Variants in TRAPPC9 observed in about 807,000 individuals in gnomAD.
TRAPPC9 encodes IKK2 binding protein.
A neutral mutation model predicts 124.0 loss-of-function variants in TRAPPC9; 83 were observed. That is an observed-to-expected ratio of 0.67 (90% CI 0.56 to 0.80). TRAPPC9 has a LOEUF of 0.80. Among genes scored for constraint, TRAPPC9 ranks in the 30% least tolerant of loss-of-function variants. The pLI, the probability that TRAPPC9 is intolerant of heterozygous loss-of-function variation, is 0.00. For missense variants in TRAPPC9, 1,302 were observed against 1,508.3 expected, an observed-to-expected ratio of 0.86 and a Z score of 2.27; for synonymous variants, 638 against 617.5, an observed-to-expected ratio of 1.03 and a Z score of -0.49.
intron 15 of TRAPPC9, among the ~76,000 whole-genome samples, chr8:140,264,781 C>A (rs1363120410): frequency 6.6e-6 from 1 of 152,124 alleles, no homozygotes; most frequent in Non-Finnish European, 1.5e-5. Context: ...CCAAGGAAGC[C>A]AAACCATCAG....
intron 20 of TRAPPC9, among the ~76,000 whole-genome samples, chr8:139,902,384 C>CGTTG (rs1345410342): frequency 6.6e-6 from 1 of 152,224 alleles, no homozygotes; most frequent in Non-Finnish European, 1.5e-5. Context: ...GTGACGGCCT[C>CGTTG]GCTGGCTGGC....
At chr8:139,851,017 G>C (rs1827408895) in intron 21 of TRAPPC9, among the ~76,000 whole-genome samples, 2 of 152,188 alleles carry the variant, frequency 1.3e-5, no homozygotes, top group Admixed American at 1.3e-4. Flanking sequence ...TTCACCTTAG[G>C]AACTTTCACA....
rs1465424677 is a variant in TRAPPC9 at position 140,457,681 on chromosome 8, G to GCGGGCAGCGGGGC, written c.-66_-54dup. 1 of 986,582 alleles carries GCGGGCAGCGGGGC rather than the reference G, an allele frequency of 1.0e-6. No homozygotes were observed. The highest frequency in any genetic ancestry group is 1.2e-6 in the Non-Finnish European group (1 of 830,780). 61.1% of individuals were successfully genotyped at this position (986,582 alleles called of 1,614,324 possible). On this transcript the variant is annotated 5_prime_UTR_variant, in exon 1 of 23. Transcript: ENST00000438773. The stretch of plus-strand genomic sequence containing the variant: ...GCCCGGAGCGGGAGCCCACGACCTG[G>GCGGGCAGCGGGGC]CGGGCAGCGGGGCCGAGCAGCCTCT...
chr8:140,348,375 C>T (rs988669857), intron 9 of TRAPPC9, among the ~76,000 whole-genome samples: 12 of 152,160 alleles, frequency 7.9e-5, no homozygotes, highest in African/African-American at 2.9e-4. Flanking sequence ...TTGCAAGTCA[C>T]CAAGAAAACG....
rs576967804 is a variant in TRAPPC9 at position 140,236,096 on chromosome 8, T to C, written c.2432-14513A>G. On this transcript the variant is annotated intron_variant, in intron 16 of 22. Transcript: ENST00000438773. ...TGTATTTCCTTTTTTTTTTTTTTTT[T>C]TTTTGAGACAGAGTCTCACTTTGTC... 4.2e-3 allele frequency among the ~76,000 whole-genome samples: 611 copies of C among 144,004 alleles called. 6 individuals are homozygous for C. Among genetic ancestry groups the C allele is most frequent in the African/African-American group, 0.015 (571 of 39,106 alleles). 94.5% of individuals were successfully genotyped at this position (144,004 alleles called of 152,430 possible). A position where few individuals can be genotyped will look rare whatever the true frequency, so the allele number is the denominator to read the frequency against.
chr8:139,919,922 C>T (rs750560027), intron 19 of TRAPPC9, among the ~76,000 whole-genome samples: 2 of 152,214 alleles, frequency 1.3e-5, no homozygotes, highest in African/African-American at 4.8e-5. Context: ...CGGACCCTTC[C>T]GCCTAGTGCT....
At chr8:139,843,518 G>A (rs1215498766) in intron 21 of TRAPPC9, among the ~76,000 whole-genome samples, 2 of 152,182 alleles carry the variant, frequency 1.3e-5, no homozygotes, top group African/African-American at 2.4e-5. Context: ...GTTCTTCCAC[G>A]GCCAAAGGGG....
chr8:140,434,944 C>T (rs569820773), intron 4 of TRAPPC9, among the ~76,000 whole-genome samples, 168 bp downstream of exon 4: 10 of 150,522 alleles, frequency 6.6e-5, no homozygotes, highest in Non-Finnish European at 8.9e-5. Context: ...CACTCCAGCC[C>T]GGGCAACAGT....
chr8:139,858,192 G>A (rs1827916458), intron 21 of TRAPPC9, among the ~76,000 whole-genome samples: 1 of 152,228 alleles, frequency 6.6e-6, no homozygotes, highest in South Asian at 2.1e-4. Context: ...TTTGCCATAA[G>A]GACTAACTCT....
At position 140,152,911 on chromosome 8, in the gene TRAPPC9, T is replaced by A. The variant is rs561336012; in HGVS notation, c.2556+68548A>T. ...ACACAATTATTACCTTTTTGCACAA[T>A]GTTGAATCTAAGTGGCAGGAGTGGA... On this transcript the variant is annotated intron_variant, in intron 17 of 22. Coordinates refer to ENST00000438773, the MANE Select transcript of TRAPPC9 (RefSeq NM_001160372.4). 5.9e-4 allele frequency among the ~76,000 whole-genome samples: 90 copies of A among 152,346 alleles called. No individual in the cohort carries two copies. The Middle Eastern group carries it at 0.01, about 17-fold the overall frequency.
In TRAPPC9 at chr8:140,299,774, G is replaced by A. The variant is rs115480081; in HGVS notation, c.1768+695C>T. ...TGGTGCATGCTGAGCCCTGGTGCAG[G>A]AGGGACGAGAGCTCAGACACAGGAA... On this transcript the variant is annotated intron_variant, in intron 11 of 22. Transcript: ENST00000438773. Among the ~76,000 whole-genome samples, 1,082 of 152,338 alleles carry A rather than the reference G, an allele frequency of 7.1e-3. 17 individuals carry two copies. The highest frequency in any genetic ancestry group is 0.024 in the African/African-American group (987 of 41,570).
chr8:140,080,380 C>T (rs1051851733), intron 17 of TRAPPC9, among the ~76,000 whole-genome samples: 5 of 152,134 alleles, frequency 3.3e-5, no homozygotes, highest in Non-Finnish European at 7.4e-5. Context: ...GTGGGTAATG[C>T]GTAAAGAAAA....
rs1236484171 is a variant in TRAPPC9, at chr8:139,759,944, G to T, written c.3056-27742C>A. ...CCCAGCTGTCCATGAAGCCGTCCCTGGGGGCTGGATGGACTCAACTCCCAG... is the reference window on the plus strand; with the variant it reads ...CCCAGCTGTCCATGAAGCCGTCCCTTGGGGCTGGATGGACTCAACTCCCAG... On this transcript the variant is annotated intron_variant, in intron 21 of 22. Transcript: ENST00000438773. 2.0e-5 allele frequency among the ~76,000 whole-genome samples: 3 copies of T among 152,348 alleles called. No homozygotes were observed. The East Asian group carries it at 5.8e-4, about 29-fold the overall frequency.
intron 17 of TRAPPC9, among the ~76,000 whole-genome samples, chr8:140,179,021 A>G (rs1336839922): frequency 6.6e-6 from 1 of 152,108 alleles, no homozygotes; most frequent in African/African-American, 2.4e-5. Context: ...CTAGAGGTGC[A>G]TGCATTTTAT....
intron 19 of TRAPPC9, among the ~76,000 whole-genome samples, chr8:139,918,308 G>A (rs914523307): frequency 1.3e-5 from 2 of 152,238 alleles, no homozygotes; most frequent in African/African-American, 4.8e-5. Flanking sequence ...TGTGCTCTGA[G>A]CACTCTGCTT....
rs78045768 is a variant in TRAPPC9, at chr8:140,220,436, C to T, written c.2556+1023G>A. On this transcript the variant is annotated intron_variant, in intron 17 of 22. Transcript: ENST00000438773. The stretch of plus-strand genomic sequence containing the variant: ...CCCAGCAACACAGTAACCAAGCTGC[C>T]GTGCAAACAGAAGCTCTCCAGGAAT... Among the ~76,000 whole-genome samples, 608 of 152,258 alleles carry T rather than the reference C, an allele frequency of 4.0e-3. 9 individuals are homozygous for T. Among genetic ancestry groups the T allele is most frequent in the African/African-American group, 0.014 (564 of 41,536 alleles).
At chr8:139,914,349 C>T (rs965880521) in intron 19 of TRAPPC9, among the ~76,000 whole-genome samples, 4 of 152,208 alleles carry the variant, frequency 2.6e-5, no homozygotes, top group African/African-American at 9.6e-5. Context: ...AAGGAAGAAA[C>T]CCAGGGCCAC....
intron 17 of TRAPPC9, among the ~76,000 whole-genome samples, chr8:140,126,919 G>C (rs144653274): frequency 6.6e-6 from 1 of 152,336 alleles, no homozygotes; most frequent in African/African-American, 2.4e-5. Flanking sequence ...ACCACTGACA[G>C]CCATGAGCTC....
chr8:140,345,939 C>T (rs1045276696), intron 9 of TRAPPC9, among the ~76,000 whole-genome samples: 6 of 152,128 alleles, frequency 3.9e-5, no homozygotes, highest in African/African-American at 9.7e-5. Flanking sequence ...CGTGGACATC[C>T]GGGGAGACCG....
Sources: allele counts gnomAD v4.1 joint callset (sites outside exome capture counted in the v4.1 genomes callset), GRCh38; gene constraint gnomAD v4.1.1; transcripts MANE v1.5; gene names NCBI Gene and HGNC (gene_info 2026-07-23, HGNC 2026-07-21).